Variants in SECISBP2L observed in about 807,000 individuals in gnomAD.
SECISBP2L encodes the protein SECIS binding protein 2 like.
Under a neutral mutation model 114.7 loss-of-function variants are expected in SECISBP2L, and 43 were observed. That is an observed-to-expected ratio of 0.38 (90% CI 0.29 to 0.48). SECISBP2L has a LOEUF of 0.48. SECISBP2L is among the 20% of genes least tolerant of loss of function. The pLI is 0.98. For synonymous variants in SECISBP2L, 451 were observed against 439.7 expected (o/e 1.03, Z -0.32); for missense variants, 1,136 against 1,301.1 (o/e 0.87, Z 1.95).
chr15:49,042,976 G>C (rs1455007938), intron 1 of SECISBP2L, among the ~76,000 whole-genome samples: 4 of 152,164 alleles, frequency 2.6e-5, no homozygotes, highest in Admixed American at 2.0e-4. Context: ...GTAGTGAGCT[G>C]AGACAGTACC....
intron 9 of SECISBP2L, among the ~76,000 whole-genome samples, chr15:49,017,221 T>C (rs1339142440): frequency 6.6e-6 from 1 of 152,214 alleles, no homozygotes; most frequent in East Asian, 1.9e-4. Flanking sequence ...CAGTGGGTGA[T>C]GGCTGCCTGG....
In SECISBP2L at chr15:49,027,416, A is replaced by G. The variant is rs775981209; in HGVS notation, c.984T>C (p.Asn328=). ...ATQKKPWMEK[N]QTFSRGGRQT... ...GCCTTCCACCTCTAGAAAATGTCTG[A>G]TTTTTTTCCATCCAAGGTTTTTTCT... The change falls in exon 7 of 18, where the codon AAT becomes AAC. Residue 328 remains asparagine (N), a synonymous_variant. Coordinates refer to ENST00000559471, the MANE Select transcript of SECISBP2L (RefSeq NM_001193489.2). The G allele has an allele frequency of 1.1e-5, 17 of 1,610,522 alleles. No individual in the cohort carries two copies. The East Asian group carries it at 3.6e-4, about 34-fold the overall frequency.
rs1566860579 is a variant in SECISBP2L at position 49,028,569 on chromosome 15, C to G, written c.778G>C (p.Glu260Gln). 1 of 1,614,026 alleles carries G rather than the reference C, an allele frequency of 6.2e-7. No homozygotes were observed. Among genetic ancestry groups the G allele is most frequent in the Non-Finnish European group, 8.5e-7 (1 of 1,180,010 alleles). The change falls in exon 5 of 18, where the codon GAG (glutamate) becomes CAG (glutamine). Residue 260 changes from glutamate (E) to glutamine (Q), a missense_variant. Coordinates refer to ENST00000559471, the MANE Select transcript of SECISBP2L (RefSeq NM_001193489.2). ...ASHPTAESSS[E>Q]QGASEADIDS... ...ATGTCGGCTTCACTAGCCCCCTGCT[C>G]ACTAGAAGATTCAGCAGTAGGGTGG...
chr15:49,006,478 ACGAT>A (rs1902325921), intron 14 of SECISBP2L, among the ~76,000 whole-genome samples: 1 of 151,904 alleles, frequency 6.6e-6, no homozygotes, highest in Non-Finnish European at 1.5e-5. Context: ...CCTTGTCTTC[ACGAT>A]TTATTTCATT....
At chr15:49,026,402 T>C (rs1902743747) in intron 7 of SECISBP2L, among the ~76,000 whole-genome samples, 1 of 152,220 alleles carries the variant, frequency 6.6e-6, no homozygotes, top group African/African-American at 2.4e-5. Context: ...AAATGATCTA[T>C]GTTTGAGATG....
In SECISBP2L at chr15:49,037,596, G is replaced by A. The variant is rs780353687; in HGVS notation, c.198C>T (p.Ser66=). ...AATAAAAATAAACAAATTACCTATT[G>A]GACTGGTTTTCCTGCACAAATGGGT... ...TCYPFVQENQ[S]NRQFPLYNND... The change falls in exon 2 of 18, where the codon TCC becomes TCT. Residue 66 remains serine (S), a synonymous_variant. Transcript: ENST00000559471. 2 of 1,612,702 alleles carry A rather than the reference G, an allele frequency of 1.2e-6. No homozygotes were observed. Among genetic ancestry groups the A allele is most frequent in the Admixed American group, 1.7e-5 (1 of 59,922 alleles).
chr15:49,005,498 GTCTC>G (rs897241828), intron 14 of SECISBP2L, among the ~76,000 whole-genome samples: 1 of 139,964 alleles, frequency 7.1e-6, no homozygotes, highest in Non-Finnish European at 1.5e-5. Context: ...GCCCTTCTTT[GTCTC>G]TCTTGATCTT....
chr15:49,000,935 C>T lies in SECISBP2L; in HGVS notation c.2190G>A (p.Lys730=), dbSNP rs527881850. 3 of 1,613,714 alleles carry T rather than the reference C, an allele frequency of 1.9e-6. No homozygotes were observed. The African/African-American group carries it at 4.0e-5, about 22-fold the overall frequency. The change falls in exon 15 of 18, where the codon AAG becomes AAA. Residue 730 remains lysine (K), a synonymous_variant. Coordinates refer to ENST00000559471, the MANE Select transcript of SECISBP2L (RefSeq NM_001193489.2). ...TTATAACACACTTGATCTTGTTTAA[C>T]TTCATATGTTTGGTAACTTCTCTTA... is the stretch of plus-strand genomic sequence containing the variant. ...MGLREVTKHM[K]LNKIKCVIIS...
At position 48,990,539 on chromosome 15, in the gene SECISBP2L, T is replaced by C. The variant is rs1299286566; in HGVS notation, c.*1705A>G. The C allele has an allele frequency of 6.6e-6, 1 of 152,562 alleles. No homozygotes were observed. Among genetic ancestry groups the C allele is most frequent in the African/African-American group, 2.4e-5 (1 of 41,424 alleles). 9.5% of individuals were successfully genotyped at this position (152,562 alleles called of 1,614,324 possible). ...AGAATGTCCCCTTTTAGCACAATAATAAAGTTGATTGACTAACATTTTCTA... is the reference window on the plus strand; with the variant it reads ...AGAATGTCCCCTTTTAGCACAATAACAAAGTTGATTGACTAACATTTTCTA... On this transcript the variant is annotated 3_prime_UTR_variant, in exon 18 of 18. Transcript: ENST00000559471.
intron 7 of SECISBP2L, among the ~76,000 whole-genome samples, chr15:49,024,912 T>C (rs989974453): frequency 1.3e-5 from 2 of 152,166 alleles, no homozygotes; most frequent in African/African-American, 2.4e-5. Context: ...TTTGCAAAGT[T>C]TTCTTTTTTG....
chr15:49,031,736 C>T (rs963972725), intron 4 of SECISBP2L, among the ~76,000 whole-genome samples: 1 of 152,116 alleles, frequency 6.6e-6, no homozygotes, highest in African/African-American at 2.4e-5. Context: ...TAATATATAA[C>T]ATTCTATTCA....
chr15:49,001,113 A>C lies in SECISBP2L; in HGVS notation c.2028-16T>G, dbSNP rs1902198385. Reference sequence around the variant, plus strand: ...ATTACAATACCTGTAAAAAAAAACCAAAATGGGTAACTCCATCCTAATTTT... The same window carrying C: ...ATTACAATACCTGTAAAAAAAAACCCAAATGGGTAACTCCATCCTAATTTT... On this transcript the variant is annotated splice_polypyrimidine_tract_variant and intron_variant, in intron 14 of 17. Transcript: ENST00000559471. 6.5e-7 allele frequency: 1 copy of C among 1,547,340 alleles called. No individual in the cohort carries two copies. Among genetic ancestry groups the C allele is most frequent in the Admixed American group, 1.9e-5 (1 of 51,554 alleles).
At chr15:49,040,145 A>C (rs1348930165) in intron 1 of SECISBP2L, among the ~76,000 whole-genome samples, 32 of 152,174 alleles carry the variant, frequency 2.1e-4, no homozygotes, top group Non-Finnish European at 1.5e-5. Flanking sequence ...AACTTAGGCA[A>C]CCTACTGTTT....
chr15:49,033,157 C>T, intron 3 of SECISBP2L, 57 bp from the exon 4 acceptor site: 1 of 1,540,474 alleles, frequency 6.5e-7, no homozygotes, highest in Non-Finnish European at 8.8e-7. Flanking sequence ...ATGTACTGAA[C>T]ATTATAAAAA....
chr15:49,024,028 G>C (rs1268570213), intron 7 of SECISBP2L, among the ~76,000 whole-genome samples: 2 of 151,960 alleles, frequency 1.3e-5, no homozygotes, highest in Non-Finnish European at 2.9e-5. Context: ...AAGATTTCAA[G>C]TTTTTGGATT....
chr15:48,997,881 A>G (rs752083218), intron 16 of SECISBP2L, among the ~76,000 whole-genome samples: 1 of 152,192 alleles, frequency 6.6e-6, no homozygotes, highest in Admixed American at 6.5e-5. Flanking sequence ...AAAAAAAATA[A>G]TAAGATGGCA....
Position 48,996,362 on chromosome 15 carries a change from C to G in SECISBP2L, c.2623+5G>C. On this transcript the variant is annotated splice_donor_5th_base_variant and intron_variant, in intron 17 of 17. Coordinates refer to ENST00000559471, the MANE Select transcript of SECISBP2L (RefSeq NM_001193489.2). ...AGTCATTTAAAATAGTATTCAACAA[C>G]TTACCATATTCCTTTTCATTTACTT... The G allele has an allele frequency of 6.2e-7, 1 of 1,612,172 alleles. No homozygotes were observed. Among genetic ancestry groups the G allele is most frequent in the Non-Finnish European group, 8.5e-7 (1 of 1,178,558 alleles).
chr15:49,023,714 A>G (rs902509646), intron 7 of SECISBP2L, among the ~76,000 whole-genome samples: 4 of 152,250 alleles, frequency 2.6e-5, no homozygotes, highest in Non-Finnish European at 5.9e-5. Flanking sequence ...GAAGCCCTTT[A>G]TGTAGTAATA....
At chr15:49,038,875 C>T (rs1216576239) in intron 1 of SECISBP2L, among the ~76,000 whole-genome samples, 1 of 152,032 alleles carries the variant, frequency 6.6e-6, no homozygotes, top group East Asian at 1.9e-4. Flanking sequence ...CTAGCCAGAA[C>T]TTTTTCCCAA....
Sources: gnomAD v4.1 joint callset for allele counts (sites outside exome capture counted in the v4.1 genomes callset) on GRCh38, gnomAD v4.1.1 for gene constraint, MANE v1.5 for transcripts, NCBI Gene and HGNC (gene_info 2026-07-23, HGNC 2026-07-21) for gene names.